Variants in MACROD2 observed in about 807,000 individuals in gnomAD.
MACROD2 encodes ADP-ribose glycohydrolase MACROD2.
A neutral mutation model predicts 70.4 loss-of-function variants in MACROD2; 36 were observed. The observed-to-expected ratio is 0.51, with a 90% CI of 0.39 to 0.68. The LOEUF (loss-of-function observed/expected upper bound fraction) is 0.68. Among genes scored for constraint, MACROD2 ranks in the 30% least tolerant of loss-of-function variants. The pLI, the probability that MACROD2 is intolerant of heterozygous loss-of-function variation, is 0.00. For missense variants in MACROD2, 496 were observed against 538.4 expected, an observed-to-expected ratio of 0.92 and a Z score of 0.78; for synonymous variants, 172 against 178.8, an observed-to-expected ratio of 0.96 and a Z score of 0.30.
At chr20:14,370,573 A>T (rs898708868) in intron 3 of MACROD2, among the ~76,000 whole-genome samples, 2 of 152,198 alleles carry the variant, frequency 1.3e-5, no homozygotes, top group African/African-American at 4.8e-5. Flanking sequence ...TTTCTGAACC[A>T]CTTATATCAA....
At position 15,307,966 on chromosome 20, in the gene MACROD2, G is replaced by C. The variant is rs78501086; in HGVS notation, c.540+77905G>C. ...TTTGATCTGTTCAGTTTTTCTCATG[G>C]TTAGACTCAGGTTATGCATTTTTTC... On this transcript the variant is annotated intron_variant, in intron 6 of 17. Coordinates refer to ENST00000684519, the MANE Select transcript of MACROD2 (RefSeq NM_001351661.2). 2.7e-3 allele frequency among the ~76,000 whole-genome samples: 414 copies of C among 152,026 alleles called. 2 individuals carry two copies. The highest frequency in any genetic ancestry group is 9.3e-3 in the African/African-American group (384 of 41,460).
intron 5 of MACROD2, among the ~76,000 whole-genome samples, chr20:14,990,842 A>T (rs887827630): frequency 6.6e-6 from 1 of 152,188 alleles, no homozygotes; most frequent in African/African-American, 2.4e-5. Context: ...TTAATCTGCA[A>T]CATGACTTTA....
chr20:14,878,480 A>G (rs2073574862), intron 5 of MACROD2, among the ~76,000 whole-genome samples: 1 of 152,084 alleles, frequency 6.6e-6, no homozygotes, highest in Non-Finnish European at 1.5e-5. Context: ...AAACTATAAG[A>G]ATTATTAGTC....
chr20:16,026,969 G>A (rs1312469040), intron 15 of MACROD2, among the ~76,000 whole-genome samples: 2 of 152,010 alleles, frequency 1.3e-5, no homozygotes, highest in Non-Finnish European at 2.9e-5. Context: ...GTTTGCTCTG[G>A]GAGTAATTAA....
At position 15,499,783 on chromosome 20, in the gene MACROD2, A is replaced by G. The variant is rs748236608; in HGVS notation, c.581A>G (p.Asn194Ser). Residue 194 changes from asparagine (N) to serine (S), a missense_variant, in exon 8 of 18, where the codon AAC (asparagine) becomes AGC (serine). By Grantham distance (46) the Asn-to-Ser change is conservative. Coordinates refer to ENST00000684519, the MANE Select transcript of MACROD2 (RefSeq NM_001351661.2). ...CCTGCTCTTCATCTAGGCTTTCCCA[A>G]CGAGCCTGCTGCAGTCATTGCCCTC... ...CISTGIYGFP[N>S]EPAAVIALNT... 46 of 1,613,800 alleles carry G rather than the reference A, an allele frequency of 2.9e-5. No homozygotes were observed. In the South Asian group the frequency reaches 4.4e-4, roughly 15 times the overall value.
intron 17 of MACROD2, among the ~76,000 whole-genome samples, chr20:16,048,073 A>G (rs2067408325): frequency 6.6e-6 from 1 of 152,220 alleles, no homozygotes. Flanking sequence ...AATGAACTTA[A>G]TAATTGATTA....
intron 5 of MACROD2, among the ~76,000 whole-genome samples, chr20:14,826,688 T>C (rs997949491): frequency 1.3e-5 from 2 of 152,122 alleles, no homozygotes; most frequent in Non-Finnish European, 2.9e-5. Context: ...GTAACATGTA[T>C]CCACAATCAG....
chr20:14,778,081 AT>A lies in MACROD2; in HGVS notation c.418+93124del, dbSNP rs562586301. 4.2e-3 allele frequency among the ~76,000 whole-genome samples: 642 copies of A among 152,176 alleles called. 3 individuals carry two copies. The highest frequency in any genetic ancestry group is 0.013 in the South Asian group (61 of 4,826). Reference sequence around the variant, plus strand: ...GTTTTCACCAACATGTTTCCCACAGATTGGTCCCAGAGATGCTAAGTCACTT... The same window carrying A: ...GTTTTCACCAACATGTTTCCCACAGATGGTCCCAGAGATGCTAAGTCACTT... On this transcript the variant is annotated intron_variant, in intron 5 of 17. Transcript: ENST00000684519.
At chr20:14,075,783 A>G (rs897339752) in intron 2 of MACROD2, among the ~76,000 whole-genome samples, 2 of 152,108 alleles carry the variant, frequency 1.3e-5, no homozygotes, top group Non-Finnish European at 2.9e-5. Flanking sequence ...AAGGTTTTCA[A>G]GGGTCTCAAG....
intron 4 of MACROD2, among the ~76,000 whole-genome samples, chr20:14,528,648 T>G (rs1695232560): frequency 6.6e-6 from 1 of 152,168 alleles, no homozygotes; most frequent in African/African-American, 2.4e-5. Flanking sequence ...TGAGATGTCT[T>G]TTTTTCTTTT....
Position 15,913,038 on chromosome 20 carries a change from G to A in MACROD2, c.776-20238G>A, listed in dbSNP as rs575054367. Among the ~76,000 whole-genome samples, 17 of 152,066 alleles carry A rather than the reference G, an allele frequency of 1.1e-4. No homozygotes were observed. The East Asian group carries it at 3.3e-3, about 29-fold the overall frequency. On this transcript the variant is annotated intron_variant, in intron 10 of 17. Transcript: ENST00000684519. ...TTCAGTTTTCTCATCTGTAAAATGG[G>A]AATAAATTCTTACTCTGCTTACTTG... is the stretch of plus-strand genomic sequence containing the variant.
At chr20:15,082,253 C>T (rs775459137) in intron 5 of MACROD2, among the ~76,000 whole-genome samples, 3 of 152,088 alleles carry the variant, frequency 2.0e-5, no homozygotes, top group Admixed American at 6.6e-5. Context: ...CTGACTAAAC[C>T]GTGTGTCTGA....
chr20:14,058,271 A>T (rs1399707785), intron 2 of MACROD2, among the ~76,000 whole-genome samples: 1 of 152,112 alleles, frequency 6.6e-6, no homozygotes, highest in Admixed American at 6.5e-5. Context: ...GGATATTATT[A>T]TTAAATAATA....
chr20:14,649,799 A>G (rs8119230), intron 4 of MACROD2, among the ~76,000 whole-genome samples: 17,591 of 152,176 alleles, frequency 0.12, 1,699 homozygotes, highest in South Asian at 0.28. Flanking sequence ...GGCTAATACC[A>G]GGGCCCTCCC....
chr20:14,229,354 A>T (rs2081778357), intron 3 of MACROD2, among the ~76,000 whole-genome samples: 1 of 152,242 alleles, frequency 6.6e-6, no homozygotes, highest in African/African-American at 2.4e-5. Context: ...TCTAAAATAT[A>T]CAAATAATTC....
intron 3 of MACROD2, among the ~76,000 whole-genome samples, chr20:14,198,064 A>C (rs935515912): frequency 2.6e-5 from 4 of 152,006 alleles, no homozygotes; most frequent in Non-Finnish European, 5.9e-5. Flanking sequence ...ATTTGGGGCC[A>C]TAAGTCCAAC....
intron 8 of MACROD2, among the ~76,000 whole-genome samples, chr20:15,830,272 C>T (rs1406131247): frequency 6.6e-6 from 1 of 152,174 alleles, no homozygotes; most frequent in Non-Finnish European, 1.5e-5. Flanking sequence ...GCATCCACAG[C>T]ATACAAAGTC....
chr20:15,218,923 G>C (rs988115573), intron 5 of MACROD2, among the ~76,000 whole-genome samples: 1 of 152,130 alleles, frequency 6.6e-6, no homozygotes, highest in Non-Finnish European at 1.5e-5. Flanking sequence ...GCGTGTGCCT[G>C]TAGTCCCAGC....
chr20:14,111,129 A>G (rs912188891), intron 3 of MACROD2, among the ~76,000 whole-genome samples: 2 of 151,978 alleles, frequency 1.3e-5, no homozygotes, highest in Non-Finnish European at 2.9e-5. Flanking sequence ...GGAAAAGACA[A>G]TCTCTTCAAA....
Sources: gnomAD v4.1 joint callset for allele counts (sites outside exome capture counted in the v4.1 genomes callset) on GRCh38, gnomAD v4.1.1 for gene constraint, MANE v1.5 for transcripts, NCBI Gene and HGNC (gene_info 2026-07-23, HGNC 2026-07-21) for gene names.